ALK: variants seen among roughly 807,000 people sequenced by gnomAD.
The protein encoded by ALK is ALK receptor tyrosine kinase.
In ALK, 74 loss-of-function variants were observed where a neutral mutation model predicts 163.1. The ratio of observed to expected loss-of-function variants is 0.45; its 90% CI spans 0.38 to 0.55. ALK has a LOEUF of 0.55. ALK is among the 20% of genes least tolerant of loss of function. ALK has a pLI of 0.00. For synonymous variants in ALK, 960 were observed against 843.2 expected (o/e 1.14, Z -2.40); for missense variants, 2,063 against 2,105.3 (o/e 0.98, Z 0.39).
chr2:29,732,750 T>C (rs1573591674), intron 1 of ALK, among the ~76,000 whole-genome samples: 1 of 152,150 alleles, frequency 6.6e-6, no homozygotes, highest in African/African-American at 2.4e-5. Flanking sequence ...CCTTCCACCA[T>C]GTGAGGACAC....
At chr2:29,735,886 G>T (rs1679878413) in intron 1 of ALK, among the ~76,000 whole-genome samples, 1 of 152,034 alleles carries the variant, frequency 6.6e-6, no homozygotes, top group Non-Finnish European at 1.5e-5. Flanking sequence ...TTTCCTTTAT[G>T]AATTACCCAG....
intron 1 of ALK, among the ~76,000 whole-genome samples, chr2:29,868,502 T>A (rs1222437501): frequency 6.6e-6 from 1 of 151,296 alleles, no homozygotes; most frequent in Non-Finnish European, 1.5e-5. Context: ...CAATAAAGAG[T>A]TTCAGAGTGT....
intron 4 of ALK, among the ~76,000 whole-genome samples, chr2:29,411,736 C>T (rs1370047128): frequency 6.6e-6 from 1 of 152,162 alleles, no homozygotes; most frequent in African/African-American, 2.4e-5. Flanking sequence ...TCTTCCAGTT[C>T]CAACAACTCA....
intron 2 of ALK, among the ~76,000 whole-genome samples, chr2:29,709,715 G>T (rs74204436): frequency 2.0e-5 from 3 of 152,100 alleles, no homozygotes; most frequent in Non-Finnish European, 4.4e-5. Flanking sequence ...GTTATAGTGC[G>T]GTCACCAGCT....
At chr2:29,417,308 A>G (rs551145849) in intron 4 of ALK, among the ~76,000 whole-genome samples, 16 of 152,288 alleles carry the variant, frequency 1.1e-4, no homozygotes, top group African/African-American at 3.8e-4. Context: ...GCAGGTCAAT[A>G]AATGTGAGTA....
intron 9 of ALK, among the ~76,000 whole-genome samples, chr2:29,293,524 G>A (rs996140696): frequency 6.6e-6 from 1 of 152,166 alleles, no homozygotes; most frequent in Non-Finnish European, 1.5e-5. Flanking sequence ...GGTGTCTGGG[G>A]ATAATTTTTT....
intron 19 of ALK, among the ~76,000 whole-genome samples, chr2:29,224,300 C>T (rs1045023663): frequency 2.0e-5 from 3 of 152,166 alleles, no homozygotes; most frequent in African/African-American, 4.8e-5. Flanking sequence ...CAAGCTGAGC[C>T]ATGAGGACCA....
chr2:29,606,980 G>T (rs1040471263), intron 3 of ALK, among the ~76,000 whole-genome samples: 3 of 152,182 alleles, frequency 2.0e-5, no homozygotes, highest in Non-Finnish European at 4.4e-5. Context: ...CCATGCATCT[G>T]CTTTCCTTTT....
chr2:29,294,482 G>A (rs557254750), intron 9 of ALK, among the ~76,000 whole-genome samples: 1 of 152,320 alleles, frequency 6.6e-6, no homozygotes, highest in South Asian at 2.1e-4. Context: ...ATTTAGTGTG[G>A]ATCAGGCAGT....
At chr2:29,407,803 G>A (rs151182375) in intron 4 of ALK, among the ~76,000 whole-genome samples, 131 of 152,254 alleles carry the variant, frequency 8.6e-4, no homozygotes, top group African/African-American at 3.1e-3. Context: ...ACATTTCACC[G>A]ATGTGTCATG....
At chr2:29,842,246 G>A (rs532214690) in intron 1 of ALK, among the ~76,000 whole-genome samples, 13 of 152,196 alleles carry the variant, frequency 8.5e-5, no homozygotes, top group Middle Eastern at 3.4e-3. Flanking sequence ...TGAAAGACCC[G>A]AGGAGAGGTT....
At chr2:29,809,919 T>C (rs1339704969) in intron 1 of ALK, among the ~76,000 whole-genome samples, 2 of 152,232 alleles carry the variant, frequency 1.3e-5, no homozygotes, top group African/African-American at 4.8e-5. Context: ...CCTATGGCTT[T>C]AGAATCTTCC....
chr2:29,774,256 C>T (rs539602215), intron 1 of ALK, among the ~76,000 whole-genome samples: 15 of 152,316 alleles, frequency 9.8e-5, no homozygotes, highest in South Asian at 4.2e-4. Context: ...CTGACAGGAA[C>T]GTTAATCTCT....
intron 1 of ALK, among the ~76,000 whole-genome samples, chr2:29,821,660 C>T (rs767012444): frequency 2.0e-5 from 3 of 152,250 alleles, no homozygotes; most frequent in Non-Finnish European, 4.4e-5. Context: ...TCGATTGCTC[C>T]AGATCACTCT....
rs111754862 is a variant in ALK at position 29,507,234 on chromosome 2, T to C, written c.1154+24681A>G. 2.7e-3 allele frequency among the ~76,000 whole-genome samples: 414 copies of C among 152,324 alleles called. 1 individual carries two copies. Among genetic ancestry groups the C allele is most frequent in the African/African-American group, 9.6e-3 (399 of 41,574 alleles). On this transcript the variant is annotated intron_variant, in intron 4 of 28. Transcript: ENST00000389048. ...ACTCTGACACACGTTACAATATGAA[T>C]GAACCTTGAGCACATTATGCTAAGT...
intron 4 of ALK, among the ~76,000 whole-genome samples, chr2:29,421,801 G>A (rs911902852): frequency 4.0e-5 from 6 of 151,592 alleles, no homozygotes; most frequent in South Asian, 2.1e-4. Flanking sequence ...GATCGCAGCC[G>A]CAGTGGGGAT....
intron 5 of ALK, among the ~76,000 whole-genome samples, chr2:29,382,518 A>G (rs1397972711): frequency 1.3e-5 from 2 of 152,132 alleles, no homozygotes; most frequent in African/African-American, 4.8e-5. Flanking sequence ...CTTTTTCCTA[A>G]TGATGATCAA....
chr2:29,242,488 C>A (rs1218738589), intron 12 of ALK, among the ~76,000 whole-genome samples: 1 of 152,190 alleles, frequency 6.6e-6, no homozygotes, highest in African/African-American at 2.4e-5. Context: ...ACTCCTTTTA[C>A]CCTTCCTAAG....
chr2:29,252,578 G>C (rs867525634), intron 11 of ALK, among the ~76,000 whole-genome samples: 5 of 152,168 alleles, frequency 3.3e-5, no homozygotes, highest in African/African-American at 4.8e-5. Context: ...GCCAGTTGTC[G>C]TGGGTTTTTG....
Sources: allele counts gnomAD v4.1 joint callset (sites outside exome capture counted in the v4.1 genomes callset), GRCh38; gene constraint gnomAD v4.1.1; transcripts MANE v1.5; gene names NCBI Gene and HGNC (gene_info 2026-07-23, HGNC 2026-07-21).